RALGAPA1: variants seen among roughly 807,000 people sequenced by gnomAD.
RALGAPA1 encodes the protein Ral GTPase activating protein catalytic subunit alpha 1.
Under a neutral mutation model 269.6 loss-of-function variants are expected in RALGAPA1, and 52 were observed. The ratio of observed to expected loss-of-function variants is 0.19; its 90% CI spans 0.15 to 0.24. RALGAPA1 has a LOEUF of 0.24. Ranked by LOEUF, RALGAPA1 falls within the 10% of genes least tolerant of loss-of-function variation. The pLI is 1.00. For missense variants in RALGAPA1, 1,917 were observed against 3,013.9 expected (o/e 0.64, Z 8.52); for synonymous variants, 817 against 1,008.3 (o/e 0.81, Z 3.60).
chr14:35,696,271 G>A (rs1306202806), intron 17 of RALGAPA1, among the ~76,000 whole-genome samples: 8 of 152,062 alleles, frequency 5.3e-5, no homozygotes, highest in South Asian at 2.1e-4. Flanking sequence ...AAAATTAGCC[G>A]GATGTGGTGG....
At chr14:35,699,655 C>G (rs544751056) in intron 17 of RALGAPA1, among the ~76,000 whole-genome samples, 58 of 151,852 alleles carry the variant, frequency 3.8e-4, no homozygotes, top group Non-Finnish European at 6.6e-4. Context: ...AAGATTTATT[C>G]CAAAGCAACT....
At chr14:35,601,644 C>T (rs1032977907) in intron 36 of RALGAPA1, among the ~76,000 whole-genome samples, 1 of 152,136 alleles carries the variant, frequency 6.6e-6, no homozygotes, top group East Asian at 1.9e-4. Flanking sequence ...AGCTCCAAGT[C>T]TGGGATATAT....
rs534369717 is a variant in RALGAPA1 at position 35,684,064 on chromosome 14, A to G, written c.4295-79T>C. 2.0e-4 allele frequency: 223 copies of G among 1,117,598 alleles called. 1 individual carries two copies. In the South Asian group the frequency reaches 3.1e-3, roughly 16 times the overall value. The allele number at this position is 1,117,598 out of a possible 1,614,324, so 69.2% of individuals were successfully genotyped here. A position where few individuals can be genotyped will look rare whatever the true frequency, so the allele number is the denominator to read the frequency against. The stretch of plus-strand genomic sequence containing the variant: ...TTACGAGAGCTAAATCAGCAAAATG[A>G]TCAAACATAAACATTCCCCGTACAT... On this transcript the variant is annotated intron_variant, in intron 20 of 41. Transcript: ENST00000680220.
In RALGAPA1 at chr14:35,605,256, A is replaced by G. The variant is rs541746760; in HGVS notation, c.7053+330T>C. On this transcript the variant is annotated intron_variant, in intron 36 of 41. Transcript: ENST00000680220. ...TCCTCAAAACTGTGTATACCCACAC[A>G]TTCCTGGAAAGCCTTTGTGTAGCCA... is the stretch of plus-strand genomic sequence containing the variant. Among the ~76,000 whole-genome samples the G allele has an allele frequency of 1.5e-3, 231 of 152,280 alleles. 1 individual carries two copies. Among genetic ancestry groups the G allele is most frequent in the Non-Finnish European group, 2.9e-3 (198 of 67,976 alleles).
chr14:35,799,364 C>A (rs924361028), intron 1 of RALGAPA1, among the ~76,000 whole-genome samples: 2 of 151,988 alleles, frequency 1.3e-5, no homozygotes, highest in Non-Finnish European at 2.9e-5. Flanking sequence ...AAGTTCGAGA[C>A]CAGCCTGGCC....
chr14:35,688,930 C>G lies in RALGAPA1; in HGVS notation c.3481G>C (p.Val1161Leu), dbSNP rs1370297590. ...TTTTCCAGAGGATTATAAAACTGAA[C>G]GGACTCAGTGGATGGCCTAAAAGTA... ...HVTFRPSTES[V>L]QFYNPLENKE... Residue 1161 changes from valine (V) to leucine (L), a missense_variant, in exon 18 of 42, where the codon GTT becomes CTT. Coordinates refer to ENST00000680220, the MANE Select transcript of RALGAPA1 (RefSeq NM_001346249.2). 1.8e-5 allele frequency: 22 copies of G among 1,250,530 alleles called. No individual in the cohort carries two copies. The highest frequency in any genetic ancestry group is 6.1e-5 in the African/African-American group (4 of 65,134). The allele number at this position is 1,250,530 out of a possible 1,614,324, so 77.5% of individuals were successfully genotyped here. A position where few individuals can be genotyped will look rare whatever the true frequency, so the allele number is the denominator to read the frequency against.
intron 1 of RALGAPA1, among the ~76,000 whole-genome samples, chr14:35,796,525 A>C (rs1025017681): frequency 6.6e-6 from 1 of 152,188 alleles, no homozygotes; most frequent in African/African-American, 2.4e-5. Flanking sequence ...CACAAATCCA[A>C]GAAGCTCAAT....
intron 12 of RALGAPA1, among the ~76,000 whole-genome samples, chr14:35,735,977 G>A (rs1466248199): frequency 6.6e-6 from 1 of 152,186 alleles, no homozygotes; most frequent in Non-Finnish European, 1.5e-5. Flanking sequence ...AGTCACTGGA[G>A]GGTTCTGAGC....
At chr14:35,580,281 C>T (rs1385532910) in intron 37 of RALGAPA1, among the ~76,000 whole-genome samples, 1 of 152,192 alleles carries the variant, frequency 6.6e-6, no homozygotes, top group African/African-American at 2.4e-5. Context: ...AGCAGAGTAT[C>T]AGCAAGTGGC....
Position 35,683,986 on chromosome 14 carries a change from C to CTA in RALGAPA1, c.4295-3_4295-2dup. 6.2e-7 allele frequency: 1 copy of CTA among 1,605,304 alleles called. No homozygotes were observed. Among genetic ancestry groups the CTA allele is most frequent in the East Asian group, 2.2e-5 (1 of 44,738 alleles). On this transcript the variant is annotated splice_acceptor_variant, in intron 20 of 41. Coordinates refer to ENST00000680220, the MANE Select transcript of RALGAPA1 (RefSeq NM_001346249.2). LOFTEE classifies it high-confidence loss of function. Reference sequence around the variant, plus strand: ...CCAGTGTCGGTTCCAAAGCCAAAATCTATAGGAAGAAGAAATGTTATTATA... The same window carrying CTA: ...CCAGTGTCGGTTCCAAAGCCAAAATCTATATAGGAAGAAGAAATGTTATTATA...
chr14:35,685,506 T>C (rs994469934), intron 19 of RALGAPA1, among the ~76,000 whole-genome samples: 3 of 152,100 alleles, frequency 2.0e-5, no homozygotes, highest in Non-Finnish European at 4.4e-5. Flanking sequence ...CATTCAATGA[T>C]TTTTATCCAC....
At chr14:35,636,682 G>A (rs561515763) in intron 31 of RALGAPA1, among the ~76,000 whole-genome samples, 11 of 152,150 alleles carry the variant, frequency 7.2e-5, no homozygotes, top group Non-Finnish European at 1.3e-4. Context: ...CACTGTGCCC[G>A]GCTAAGTTTT....
Position 35,683,551 on chromosome 14 carries a change from C to T in RALGAPA1, c.4471+258G>A, listed in dbSNP as rs186192400. Reference sequence around the variant, plus strand: ...CCATTAAAATTTTTTTTTAATCCTGCAGAAAATGTTCTAGTGCATATATAT... The same window carrying T: ...CCATTAAAATTTTTTTTTAATCCTGTAGAAAATGTTCTAGTGCATATATAT... On this transcript the variant is annotated intron_variant, in intron 21 of 41. Coordinates refer to ENST00000680220, the MANE Select transcript of RALGAPA1 (RefSeq NM_001346249.2). The T allele has an allele frequency of 1.1e-3, 307 of 272,138 alleles. 1 individual carries two copies. The highest frequency in any genetic ancestry group is 6.5e-3 in the African/African-American group (295 of 45,606). The allele number at this position is 272,138 out of a possible 1,614,324, so 16.9% of individuals were successfully genotyped here.
At chr14:35,619,273 C>A (rs2060453433) in intron 35 of RALGAPA1, among the ~76,000 whole-genome samples, 1 of 151,944 alleles carries the variant, frequency 6.6e-6, no homozygotes, top group South Asian at 2.1e-4. Flanking sequence ...AGAATGAATA[C>A]CCCATTTTCC....
chr14:35,731,872 A>G (rs2070506915), intron 12 of RALGAPA1, among the ~76,000 whole-genome samples: 1 of 152,202 alleles, frequency 6.6e-6, no homozygotes, highest in Non-Finnish European at 1.5e-5. Flanking sequence ...TCCAAATACA[A>G]GAAGCACAAA....
intron 30 of RALGAPA1, 60 bp downstream of exon 30, chr14:35,654,307 A>T: frequency 1.4e-6 from 2 of 1,448,608 alleles, no homozygotes; most frequent in South Asian, 2.9e-5. Flanking sequence ...TTACAATTCA[A>T]AGTATCCAAA....
chr14:35,794,518 G>T (rs1230636951), intron 1 of RALGAPA1, among the ~76,000 whole-genome samples: 3 of 152,008 alleles, frequency 2.0e-5, no homozygotes, highest in Non-Finnish European at 4.4e-5. Flanking sequence ...GTGCAGTGGC[G>T]CAGTCTCGGC....
chr14:35,605,430 G>C (rs1022268818), intron 36 of RALGAPA1, among the ~76,000 whole-genome samples, 156 bp downstream of exon 36: 1 of 152,102 alleles, frequency 6.6e-6, no homozygotes, highest in Non-Finnish European at 1.5e-5. Context: ...AACTGCTGCT[G>C]TATGTGCAGA....
At chr14:35,686,987 T>A (rs767853403) in intron 18 of RALGAPA1, among the ~76,000 whole-genome samples, 2 of 152,236 alleles carry the variant, frequency 1.3e-5, no homozygotes, top group African/African-American at 4.8e-5. Flanking sequence ...TCAATGTTTC[T>A]TTTTAGAGCC....
Sources: allele counts gnomAD v4.1 joint callset (sites outside exome capture counted in the v4.1 genomes callset), GRCh38; gene constraint gnomAD v4.1.1; transcripts MANE v1.5; gene names NCBI Gene and HGNC (gene_info 2026-07-23, HGNC 2026-07-21).